BCAR3: variants seen among roughly 807,000 people sequenced by gnomAD.
BCAR3 encodes breast cancer anti-estrogen resistance protein 3.
In BCAR3, 37 loss-of-function variants were observed where a neutral mutation model predicts 80.1. The ratio of observed to expected loss-of-function variants is 0.46; its 90% CI spans 0.36 to 0.61. The LOEUF is 0.61. Among genes scored for constraint, BCAR3 ranks in the 20% least tolerant of loss-of-function variants. The pLI is 0.00. For synonymous variants in BCAR3, 389 were observed against 418.9 expected (o/e 0.93, Z 0.87); for missense variants, 978 against 1,068.2 (o/e 0.92, Z 1.18).
chr1:93,679,661 C>G (rs1322151615), intron 1 of BCAR3, among the ~76,000 whole-genome samples: 2 of 152,214 alleles, frequency 1.3e-5, no homozygotes, highest in Non-Finnish European at 2.9e-5. Flanking sequence ...ACATCAGGAA[C>G]AAGAGCGAGG....
At chr1:93,615,100 C>T (rs903783098) in intron 3 of BCAR3, among the ~76,000 whole-genome samples, 2 of 149,768 alleles carry the variant, frequency 1.3e-5, no homozygotes, top group Non-Finnish European at 2.9e-5. Flanking sequence ...TTTGTGGCTT[C>T]GGCCTCAAAT....
At chr1:93,845,998 C>T (rs149830639) in intron 1 of BCAR3, among the ~76,000 whole-genome samples, 60 of 151,658 alleles carry the variant, frequency 4.0e-4, no homozygotes, top group Non-Finnish European at 7.2e-4. Flanking sequence ...GCAAACATAA[C>T]AAAATATGAT....
chr1:93,630,379 T>C (rs1486835866), intron 3 of BCAR3, among the ~76,000 whole-genome samples: 1 of 152,000 alleles, frequency 6.6e-6, no homozygotes, highest in East Asian at 1.9e-4. Flanking sequence ...ATCTCAGCAC[T>C]TTGGGAGGCC....
intron 3 of BCAR3, among the ~76,000 whole-genome samples, chr1:93,689,499 C>T (rs1038083663): frequency 4.7e-5 from 7 of 148,558 alleles, no homozygotes; most frequent in Admixed American, 1.3e-4. Flanking sequence ...CCATTGCACT[C>T]TAGCCTAGCA....
At chr1:93,842,398 C>T (rs1315094856) in intron 2 of BCAR3, among the ~76,000 whole-genome samples, 6 of 152,058 alleles carry the variant, frequency 3.9e-5, no homozygotes, top group Non-Finnish European at 8.8e-5. Context: ...GCAATCCACC[C>T]GCCTCAGCCT....
chr1:93,622,468 GGCA>G (rs1343490877), intron 3 of BCAR3, among the ~76,000 whole-genome samples: 11 of 152,128 alleles, frequency 7.2e-5, no homozygotes, highest in Non-Finnish European at 1.6e-4. Context: ...TGGCAACACA[GGCA>G]GCAGATCTCA....
At chr1:93,585,221 C>T in intron 5 of BCAR3, 1 of 985,580 alleles carries the variant, frequency 1.0e-6, no homozygotes, top group Non-Finnish European at 1.2e-6. Flanking sequence ...AGCCAACTAG[C>T]AGGCCCGACG....
At chr1:93,672,015 TC>T (rs1648224239) in intron 2 of BCAR3, among the ~76,000 whole-genome samples, 1 of 152,116 alleles carries the variant, frequency 6.6e-6, no homozygotes, top group Non-Finnish European at 1.5e-5. Flanking sequence ...ATTTGTTACT[TC>T]CTGTATTCAT....
chr1:93,776,082 G>C (rs1261492595), intron 2 of BCAR3, among the ~76,000 whole-genome samples: 5 of 152,146 alleles, frequency 3.3e-5, no homozygotes, highest in African/African-American at 1.2e-4. Flanking sequence ...AGTTTGAAAA[G>C]AGAAACTCAA....
At chr1:93,658,603 G>A (rs1647501432) in intron 2 of BCAR3, among the ~76,000 whole-genome samples, 1 of 152,158 alleles carries the variant, frequency 6.6e-6, no homozygotes, top group South Asian at 2.1e-4. Context: ...AGTGAGCCGA[G>A]ATGGCACCAC....
chr1:93,826,827 C>T (rs761753893), intron 2 of BCAR3, among the ~76,000 whole-genome samples: 4 of 151,676 alleles, frequency 2.6e-5, no homozygotes, highest in South Asian at 2.1e-4. Context: ...TGTGCATGCA[C>T]GTGTGTGTGT....
At chr1:93,626,864 G>A (rs1675470404) in intron 3 of BCAR3, among the ~76,000 whole-genome samples, 1 of 152,176 alleles carries the variant, frequency 6.6e-6, no homozygotes, top group African/African-American at 2.4e-5. Flanking sequence ...CTGTGCAATT[G>A]AATTGTGGGC....
chr1:93,651,964 C>T (rs561148124), intron 2 of BCAR3, among the ~76,000 whole-genome samples: 8 of 152,310 alleles, frequency 5.3e-5, no homozygotes, highest in African/African-American at 1.9e-4. Flanking sequence ...GACAAACCAG[C>T]GGTGCTCTCT....
At chr1:93,651,471 T>C (rs143001558) in intron 2 of BCAR3, among the ~76,000 whole-genome samples, 1,563 of 152,332 alleles carry the variant, frequency 0.01, 26 homozygotes, top group African/African-American at 0.035. Context: ...AAAACATTTA[T>C]TGAGCATTTA....
In BCAR3 at chr1:93,582,331, G is replaced by A. The variant is rs1368890191; in HGVS notation, c.1656C>T (p.Ile552=). Residue 552 remains isoleucine, a synonymous_variant, in exon 7 of 12, where the codon ATC becomes ATT. Transcript: ENST00000260502. ...ELFTNNDPKV[I]AQHVLSMDCR... ...AGTCCATGCTCAGTACGTGCTGGGC[G>A]ATGACCTTGGGGTCGTTGTTGGTGA... The A allele has an allele frequency of 8.1e-6, 13 of 1,614,148 alleles. No individual in the cohort carries two copies. The highest frequency in any genetic ancestry group is 6.6e-5 in the South Asian group (6 of 91,084).
At chr1:93,669,982 C>T (rs776293189) in intron 2 of BCAR3, among the ~76,000 whole-genome samples, 2 of 152,122 alleles carry the variant, frequency 1.3e-5, no homozygotes, top group Non-Finnish European at 2.9e-5. Context: ...AAATAGGGTG[C>T]AGTGTATACT....
At chr1:93,742,580 G>A (rs899056111) in intron 2 of BCAR3, among the ~76,000 whole-genome samples, 16 of 152,120 alleles carry the variant, frequency 1.1e-4, no homozygotes, top group African/African-American at 3.9e-4. Flanking sequence ...TGCTTAAAAT[G>A]GGATTTTCAC....
At chr1:93,738,547 G>A (rs1651070957) in intron 2 of BCAR3, among the ~76,000 whole-genome samples, 1 of 152,362 alleles carries the variant, frequency 6.6e-6, no homozygotes, top group South Asian at 2.1e-4. Context: ...GCTGACCGCA[G>A]GTCGGAGATG....
In BCAR3 at chr1:93,846,973, CGCGGCGGCGCT is replaced by C; in HGVS notation, c.-209+86_-209+96del. The C allele has an allele frequency of 8.8e-6, 2 of 226,976 alleles. 1 individual carries two copies. Among genetic ancestry groups the C allele is most frequent in the Non-Finnish European group, 1.7e-5 (2 of 117,594 alleles). The allele number at this position is 226,976 out of a possible 1,614,324, so 14.1% of individuals were successfully genotyped here. The stretch of plus-strand genomic sequence containing the variant: ...CGCACAAGCACGCACACAGACGTCG[CGCGGCGGCGCT>C]CGCGCGCAGGTCCAGCCGCGGCTGG... On this transcript the variant is annotated intron_variant, in intron 1 of 13. Transcript: ENST00000370244.
Sources: allele counts gnomAD v4.1 joint callset (sites outside exome capture counted in the v4.1 genomes callset), GRCh38; gene constraint gnomAD v4.1.1; transcripts MANE v1.5; gene names NCBI Gene and HGNC (gene_info 2026-07-23, HGNC 2026-07-21).